ERGIC2: variants seen among roughly 807,000 people sequenced by gnomAD.
The protein encoded by ERGIC2 is ERGIC and golgi 2.
ERGIC2 carries 31 observed loss-of-function variants against 52.5 expected under a neutral mutation model. The observed-to-expected ratio is 0.59, with a 90% CI of 0.44 to 0.80. The LOEUF (loss-of-function observed/expected upper bound fraction) is 0.80, where lower values mean the gene tolerates loss of function less well. Among genes scored for constraint, ERGIC2 ranks in the 30% least tolerant of loss-of-function variants. The pLI is 0.00. For synonymous variants in ERGIC2, 129 were observed against 140.6 expected, an observed-to-expected ratio of 0.92 and a Z score of 0.58; for missense variants, 395 against 455.2, an observed-to-expected ratio of 0.87 and a Z score of 1.20.
Position 29,371,543 on chromosome 12 carries a change from C to G in ERGIC2, c.91G>C (p.Ala31Pro). ...KVPESYVETS[A>P]SGGTVSLIAF... Reference sequence around the variant, plus strand: ...TGATACTCACCTGTACCTCCACTGGCTGAAGTCTCTACATAGCTCTCAGGA... The same window carrying G: ...TGATACTCACCTGTACCTCCACTGGGTGAAGTCTCTACATAGCTCTCAGGA... Residue 31 changes from alanine to proline, a missense_variant, in exon 2 of 14, where the codon GCC (alanine) becomes CCC (proline). Physicochemically the swap from Ala to Pro is conservative, Grantham distance 27 (BLOSUM62 -1). Coordinates refer to ENST00000360150, the MANE Select transcript of ERGIC2 (RefSeq NM_016570.3). The G allele has an allele frequency of 6.2e-7, 1 of 1,608,502 alleles. No individual in the cohort carries two copies. The highest frequency in any genetic ancestry group is 8.5e-7 in the Non-Finnish European group (1 of 1,177,344).
At chr12:29,359,252 G>A (rs1052002034) in intron 6 of ERGIC2, among the ~76,000 whole-genome samples, 3 of 151,786 alleles carry the variant, frequency 2.0e-5, no homozygotes, top group Non-Finnish European at 4.4e-5. Context: ...CTTTGACATT[G>A]AATCTTTGGA....
chr12:29,340,880 G>A lies in ERGIC2; in HGVS notation c.*276C>T, dbSNP rs1949832886. On this transcript the variant is annotated 3_prime_UTR_variant, in exon 14 of 14. Coordinates refer to ENST00000360150, the MANE Select transcript of ERGIC2 (RefSeq NM_016570.3). ...TGTCTGATTTTGATACCACCCATTT[G>A]CTATGAAAATATAAGAAGGCGTCAT... 2 of 480,572 alleles carry A rather than the reference G, an allele frequency of 4.2e-6. No homozygotes were observed. Among genetic ancestry groups the A allele is most frequent in the Admixed American group, 3.5e-5 (1 of 28,776 alleles). 29.8% of individuals were successfully genotyped at this position (480,572 alleles called of 1,614,324 possible).
Position 29,341,113 on chromosome 12 carries a change from T to C in ERGIC2, c.*43A>G, listed in dbSNP as rs1463603553. 2 of 1,362,534 alleles carry C rather than the reference T, an allele frequency of 1.5e-6. No homozygotes were observed. Among genetic ancestry groups the C allele is most frequent in the Non-Finnish European group, 1.0e-6 (1 of 969,380 alleles). 84.4% of individuals were successfully genotyped at this position (1,362,534 alleles called of 1,614,324 possible). ...AATATTTTATTATTAAAAAAAGGTTTTATGTCTCAGGCAAAAAGTTTTTCT... is the reference window on the plus strand; with the variant it reads ...AATATTTTATTATTAAAAAAAGGTTCTATGTCTCAGGCAAAAAGTTTTTCT... On this transcript the variant is annotated 3_prime_UTR_variant, in exon 14 of 14. Coordinates refer to ENST00000360150, the MANE Select transcript of ERGIC2 (RefSeq NM_016570.3).
rs142503158 is a variant in ERGIC2 at position 29,339,379 on chromosome 12, C to T, written c.*1777G>A. ...CTCCCATTTAGAAAAAGCCTTGAAA[C>T]TCGATTGAATTTTCTTCCAAGCATA... On this transcript the variant is annotated 3_prime_UTR_variant, in exon 14 of 14. Transcript: ENST00000360150. 1.5e-4 allele frequency: 23 copies of T among 152,202 alleles called. No individual in the cohort carries two copies. Among genetic ancestry groups the T allele is most frequent in the African/African-American group, 5.3e-4 (22 of 41,544 alleles). 9.4% of individuals were successfully genotyped at this position (152,202 alleles called of 1,614,324 possible).
At chr12:29,373,849 C>T (rs941698530) in intron 1 of ERGIC2, among the ~76,000 whole-genome samples, 1 of 152,166 alleles carries the variant, frequency 6.6e-6, no homozygotes. Flanking sequence ...GTATTCCCAT[C>T]GATAAATTAA....
chr12:29,354,283 CTGTTT>C (rs1388129957), intron 8 of ERGIC2, among the ~76,000 whole-genome samples: 3 of 152,122 alleles, frequency 2.0e-5, no homozygotes, highest in Non-Finnish European at 4.4e-5. Flanking sequence ...AGCTTATATT[CTGTTT>C]TGTTTAATAT....
intron 5 of ERGIC2, among the ~76,000 whole-genome samples, chr12:29,364,443 T>C (rs939908321): frequency 6.6e-6 from 1 of 152,050 alleles, no homozygotes; most frequent in Non-Finnish European, 1.5e-5. Flanking sequence ...TTTCACCATA[T>C]ACAAAAATTA....
At chr12:29,362,235 G>A (rs898733207) in intron 5 of ERGIC2, among the ~76,000 whole-genome samples, 36 of 152,136 alleles carry the variant, frequency 2.4e-4, no homozygotes, top group African/African-American at 8.4e-4. Flanking sequence ...AGAAAAATAT[G>A]CAAACTTCTC....
At chr12:29,375,640 T>G (rs757092202) in intron 1 of ERGIC2, among the ~76,000 whole-genome samples, 5 of 152,204 alleles carry the variant, frequency 3.3e-5, no homozygotes, top group South Asian at 4.1e-4. Context: ...GCTCTTTTAA[T>G]TTATATATAA....
chr12:29,359,529 C>A (rs1652868368), intron 6 of ERGIC2, among the ~76,000 whole-genome samples: 1 of 151,988 alleles, frequency 6.6e-6, no homozygotes, highest in African/African-American at 2.4e-5. Flanking sequence ...AAAATACAAT[C>A]TCTTCTCCCA....
chr12:29,371,698 A>G (rs1474113927), intron 1 of ERGIC2, 28 bp from the exon 2 acceptor site: 1 of 1,051,486 alleles, frequency 9.5e-7, no homozygotes, highest in South Asian at 1.4e-5. Context: ...TAATGAATAA[A>G]TGAATCCTTT....
intron 8 of ERGIC2, among the ~76,000 whole-genome samples, chr12:29,353,729 C>CTTCTTTTTTTTTTTTTTTTTTTTT (rs573583118): frequency 6.8e-6 from 1 of 147,050 alleles, no homozygotes; most frequent in Non-Finnish European, 1.5e-5. Flanking sequence ...ATATTTCCTT[C>CTTCTTTTTTTTTTTTTTTTTTTTT]TTTTTTTTTT....
At chr12:29,372,523 G>A (rs939551264) in intron 1 of ERGIC2, 1 of 152,026 alleles carries the variant, frequency 6.6e-6, no homozygotes, top group African/African-American at 2.4e-5. Flanking sequence ...ACAATAACCT[G>A]CGGTTTTAAC....
At chr12:29,370,023 TAGA>T (rs1445980388) in intron 3 of ERGIC2, 88 bp downstream of exon 3, 87 of 1,207,632 alleles carry the variant, frequency 7.2e-5, no homozygotes, top group Non-Finnish European at 8.9e-5. Flanking sequence ...AAACCAAATC[TAGA>T]AGGTTAGACT....
chr12:29,356,384 G>GCCCA lies in ERGIC2; in HGVS notation c.566_569dup (p.Lys191GlyfsTer20). On this transcript the variant is annotated frameshift_variant, in exon 8 of 14. Coordinates refer to ENST00000360150, the MANE Select transcript of ERGIC2 (RefSeq NM_016570.3). LOFTEE classifies it high-confidence loss of function. ...TTCAGTAAGTGAAAAGAACATACTTGCCCACTGTTATGTGAAAATTCCCTG... is the reference window on the plus strand; with the variant it reads ...TTCAGTAAGTGAAAAGAACATACTTGCCCACCCACTGTTATGTGAAAATTCCCTG... 1 of 1,534,074 alleles carries GCCCA rather than the reference G, an allele frequency of 6.5e-7. No individual in the cohort carries two copies. Among genetic ancestry groups the GCCCA allele is most frequent in the Non-Finnish European group, 9.0e-7 (1 of 1,107,360 alleles).
rs1949832983 is a variant in ERGIC2, at chr12:29,340,888, A to AC, written c.*267_*268insG. 4 of 495,886 alleles carry AC rather than the reference A, an allele frequency of 8.1e-6. No homozygotes were observed. The highest frequency in any genetic ancestry group is 7.4e-6 in the Non-Finnish European group (2 of 268,466). The allele number at this position is 495,886 out of a possible 1,614,324, so 30.7% of individuals were successfully genotyped here. A position where few individuals can be genotyped will look rare whatever the true frequency, so the allele number is the denominator to read the frequency against. ...TTTGATACCACCCATTTGCTATGAA[A>AC]ATATAAGAAGGCGTCATCTTCAAAG... On this transcript the variant is annotated 3_prime_UTR_variant, in exon 14 of 14. Coordinates refer to ENST00000360150, the MANE Select transcript of ERGIC2 (RefSeq NM_016570.3).
intron 13 of ERGIC2, among the ~76,000 whole-genome samples, chr12:29,341,511 C>T (rs554135737): frequency 6.6e-6 from 1 of 152,226 alleles, no homozygotes; most frequent in South Asian, 2.1e-4. Flanking sequence ...GCTGGGACTA[C>T]AGGCTTGCAC....
rs1168337197 is a variant in ERGIC2, at chr12:29,337,511, T to C, written c.*3645A>G. The C allele has an allele frequency of 6.6e-6, 1 of 152,138 alleles. No homozygotes were observed. The highest frequency in any genetic ancestry group is 1.5e-5 in the Non-Finnish European group (1 of 68,028). The allele number at this position is 152,138 out of a possible 1,614,324, so 9.4% of individuals were successfully genotyped here. A position where few individuals can be genotyped will look rare whatever the true frequency, so the allele number is the denominator to read the frequency against. On this transcript the variant is annotated 3_prime_UTR_variant, in exon 14 of 14. Transcript: ENST00000360150. ...AATATTTCAGAAAGTAGAAAAAAAC[T>C]ATGCTTTGATTGCATCATCACAATA...
At position 29,370,105 on chromosome 12, in the gene ERGIC2, A is replaced by G. The variant is rs773213720; in HGVS notation, c.215+9T>C. The G allele has an allele frequency of 1.3e-6, 2 of 1,495,352 alleles. No individual in the cohort carries two copies. The highest frequency in any genetic ancestry group is 2.8e-5 in the South Asian group (2 of 71,040). 92.6% of individuals were successfully genotyped at this position (1,495,352 alleles called of 1,614,324 possible). ...CTAAAGGTATTCCAAGAAGAAAAAA[A>G]ATGATTACCTAGAAAAATCCTTGTC... On this transcript the variant is annotated intron_variant, in intron 3 of 13. Coordinates refer to ENST00000360150, the MANE Select transcript of ERGIC2 (RefSeq NM_016570.3).
Sources: allele counts gnomAD v4.1 joint callset (sites outside exome capture counted in the v4.1 genomes callset), GRCh38; gene constraint gnomAD v4.1.1; transcripts MANE v1.5; gene names NCBI Gene and HGNC (gene_info 2026-07-23, HGNC 2026-07-21).